The following ACIN1 variants were observed in gnomAD, a reference collection of about 807,000 sequenced individuals.
The protein encoded by ACIN1 is apoptotic chromatin condensation inducer in the nucleus.
ACIN1 carries 16 observed loss-of-function variants against 146.6 expected under a neutral mutation model. The ratio of observed to expected loss-of-function variants is 0.11; its 90% confidence interval spans 0.07 to 0.17. ACIN1 has a LOEUF of 0.17. Among genes scored for constraint, ACIN1 ranks in the 10% least tolerant of loss-of-function variants. The pLI, the probability that ACIN1 is intolerant of heterozygous loss-of-function variation, is 1.00. For missense variants in ACIN1, 1,357 were observed against 1,609.3 expected (o/e 0.84, Z 2.68); for synonymous variants, 569 against 582.7 (o/e 0.98, Z 0.34).
intron 8 of ACIN1, 73 bp from the exon 9 acceptor site, chr14:23,069,690 G>A (rs751648136): frequency 6.8e-5 from 99 of 1,446,324 alleles, no homozygotes; most frequent in Admixed American, 9.6e-5. Flanking sequence ...CAAGATGTTA[G>A]TTACTGGGTC....
chr14:23,080,816 G>A lies in ACIN1; in HGVS notation c.526-7C>T, dbSNP rs2140164731. On this transcript the variant is annotated splice_polypyrimidine_tract_variant and splice_region_variant and intron_variant, in intron 5 of 18. Coordinates refer to ENST00000605057, the MANE Select transcript of ACIN1 (RefSeq NM_001386863.1). ...ACAGTTTAGCTGCTCTTGCCTGAAAGAACAGATACACAATGGCTCCAAATG... is the reference window on the plus strand; with the variant it reads ...ACAGTTTAGCTGCTCTTGCCTGAAAAAACAGATACACAATGGCTCCAAATG... 1 of 1,587,296 alleles carries A rather than the reference G, an allele frequency of 6.3e-7. No individual in the cohort carries two copies. The highest frequency in any genetic ancestry group is 8.6e-7 in the Non-Finnish European group (1 of 1,165,964).
chr14:23,061,053 T>C (rs766420302), intron 18 of ACIN1, 31 bp downstream of exon 18: 17 of 1,601,700 alleles, frequency 1.1e-5, no homozygotes, highest in Middle Eastern at 1.9e-4. Flanking sequence ...TCAGTGCCAC[T>C]AGGGAGCAGG....
Position 23,062,872 on chromosome 14 carries a change from C to G in ACIN1, c.2883+57G>C, listed in dbSNP as rs1354661148. The G allele has an allele frequency of 1.9e-6, 3 of 1,545,076 alleles. No homozygotes were observed. The African/African-American group carries it at 4.1e-5, about 21-fold the overall frequency. On this transcript the variant is annotated intron_variant, in intron 14 of 18. Coordinates refer to ENST00000605057, the MANE Select transcript of ACIN1 (RefSeq NM_001386863.1). The stretch of plus-strand genomic sequence containing the variant: ...ATGAGTGGAACCTAGGAGGCATAAG[C>G]CTAAAGCTCAAACTTAACCACTAAG...
At chr14:23,069,652 G>GGGTGGGGGGGGGGGGGGGGGGC in intron 8 of ACIN1, 35 bp from the exon 9 acceptor site, 3 of 577,964 alleles carry the variant, frequency 5.2e-6, no homozygotes, top group Non-Finnish European at 1.0e-5. Flanking sequence ...GGGGGGGCGG[G>GGGTGGGGGGGGGGGGGGGGGGC]CAGAAAAGAA....
chr14:23,069,462 G>A lies in ACIN1; in HGVS notation c.2265+14C>T. ...TCCTGCCCACCCGCCCCAATAGGTGGCTTGGATGTTTACCTCTTTCTTCTC... is the reference window on the plus strand; with the variant it reads ...TCCTGCCCACCCGCCCCAATAGGTGACTTGGATGTTTACCTCTTTCTTCTC... On this transcript the variant is annotated intron_variant, in intron 9 of 18. Transcript: ENST00000605057. 1 of 1,612,250 alleles carries A rather than the reference G, an allele frequency of 6.2e-7. No homozygotes were observed. Among genetic ancestry groups the A allele is most frequent in the Non-Finnish European group, 8.5e-7 (1 of 1,179,024 alleles).
At chr14:23,095,449 AGAGATGAGGCGCT>A (rs2048353933), upstream of ACIN1, 54 of 1,023,362 alleles carry the variant, frequency 5.3e-5, 1 homozygote, top group South Asian at 8.8e-4. Flanking sequence ...TTCCGGACCT[AGAGATGAGGCGCT>A]GGGGCGCTTG....
intron 13 of ACIN1, 124 bp downstream of exon 13, chr14:23,063,312 A>C (rs2047346407): frequency 1.5e-6 from 2 of 1,319,822 alleles, no homozygotes; most frequent in African/African-American, 3.0e-5. Flanking sequence ...ATGTAGGAGA[A>C]AGATATGATA....
chr14:23,067,955 A>T lies in ACIN1; in HGVS notation c.2265+1521T>A. 1 of 985,834 alleles carries T rather than the reference A, an allele frequency of 1.0e-6. No individual in the cohort carries two copies. Among genetic ancestry groups the T allele is most frequent in the Non-Finnish European group, 1.2e-6 (1 of 829,932 alleles). The allele number at this position is 985,834 out of a possible 1,614,324, so 61.1% of individuals were successfully genotyped here. A position where few individuals can be genotyped will look rare whatever the true frequency, so the allele number is the denominator to read the frequency against. On this transcript the variant is annotated intron_variant, in intron 9 of 18. Transcript: ENST00000605057. The surrounding 1 kb of genome is among the most constrained non-coding windows in gnomAD (Gnocchi z 4.6). ...GGAGAGTTGTGGCTGGCATCTCCTC[A>T]GGGACTCCAGCTGAGACAGTGGTTC...
rs148111978 is a variant in ACIN1, at chr14:23,079,398, C to A, written c.1788+149G>T. Reference sequence around the variant, plus strand: ...GAATCAGTTAATTGAAAATACGATTCTGAAATGAGGAGAAAGTAATCAGTG... The same window carrying A: ...GAATCAGTTAATTGAAAATACGATTATGAAATGAGGAGAAAGTAATCAGTG... On this transcript the variant is annotated intron_variant, in intron 6 of 18. Coordinates refer to ENST00000605057, the MANE Select transcript of ACIN1 (RefSeq NM_001386863.1). 108 of 1,369,948 alleles carry A rather than the reference C, an allele frequency of 7.9e-5. No individual in the cohort carries two copies. In the Admixed American group the frequency reaches 1.1e-3, roughly 14 times the overall value. The allele number at this position is 1,369,948 out of a possible 1,614,324, so 84.9% of individuals were successfully genotyped here.
intron 4 of ACIN1, among the ~76,000 whole-genome samples, chr14:23,087,515 T>C (rs1251286951): frequency 1.3e-5 from 2 of 151,644 alleles, no homozygotes; most frequent in African/African-American, 4.9e-5. Flanking sequence ...GTCTTACTGA[T>C]GACATAAAGC....
intron 10 of ACIN1, 114 bp from the exon 11 acceptor site, chr14:23,064,602 G>T (rs1227478835): frequency 5.6e-6 from 8 of 1,436,672 alleles, no homozygotes; most frequent in East Asian, 4.6e-5. Flanking sequence ...TTAACTTAAA[G>T]AAATCATATT....
At chr14:23,065,727 C>T (rs576140961) in intron 10 of ACIN1, among the ~76,000 whole-genome samples, 2 of 152,330 alleles carry the variant, frequency 1.3e-5, no homozygotes, top group East Asian at 3.9e-4. Flanking sequence ...GACATGGTCT[C>T]AGACACCTCA....
At chr14:23,076,696 G>A (rs946297292) in intron 8 of ACIN1, 1 of 152,172 alleles carries the variant, frequency 6.6e-6, no homozygotes, top group Non-Finnish European at 1.5e-5. Context: ...GTAGCAGGCT[G>A]TCAATACCCA....
At chr14:23,095,568 G>T (rs1017862707), upstream of ACIN1, 1 of 445,412 alleles carries the variant, frequency 2.2e-6, no homozygotes, top group Non-Finnish European at 4.1e-6. Context: ...GCAGTAGTTG[G>T]AGTCTAAGGA....
At position 23,059,315 on chromosome 14, in the gene ACIN1, TCTCCCGACTGTG is replaced by T. The variant is rs2047192284; in HGVS notation, c.3673_3684del (p.His1225_Glu1228del). On this transcript the variant is annotated inframe_deletion, in exon 19 of 19. Coordinates refer to ENST00000605057, the MANE Select transcript of ACIN1 (RefSeq NM_001386863.1). ...CTTTCTCTCTCTCTCTCCCTGTCCC[TCTCCCGACTGTG>T]CTCCCGACGTTTCTCTCGCTCCAGC... is the stretch of plus-strand genomic sequence containing the variant. The T allele has an allele frequency of 6.2e-7, 1 of 1,601,172 alleles. No individual in the cohort carries two copies. Among genetic ancestry groups the T allele is most frequent in the South Asian group, 1.1e-5 (1 of 90,826 alleles).
chr14:23,064,238 T>C lies in ACIN1; in HGVS notation c.2462A>G (p.Lys821Arg), dbSNP rs756553368. The part of the protein sequence containing the change: ...ESLKSLIPDI[K>R]PLAGQEAVVD... ...AACAGCCTCCTGCCCCGCCAGGGGT[T>C]TGATGTCGGGGATGAGGCTCTGGGA... The change falls in exon 12 of 19, where the codon AAA becomes AGA. Residue 821 changes from lysine (K) to arginine (R), a missense_variant. By Grantham distance (26) the Lys-to-Arg change is conservative. Around this residue, in one of 4 missense-constraint regions of ACIN1, gnomAD observed 509 missense variants for 719.6 expected, o/e 0.71. Transcript: ENST00000605057. 1.9e-6 allele frequency: 3 copies of C among 1,613,984 alleles called. No individual in the cohort carries two copies. Among genetic ancestry groups the C allele is most frequent in the Non-Finnish European group, 2.5e-6 (3 of 1,180,038 alleles).
chr14:23,095,529 T>G (rs17126528), upstream of ACIN1: 5,137 of 526,192 alleles, frequency 9.8e-3, 189 homozygotes, highest in African/African-American at 0.078. Flanking sequence ...TGGCCCAGCT[T>G]AGGGTTTTCA....
intron 8 of ACIN1, chr14:23,071,712 T>C: frequency 4.3e-6 from 3 of 700,602 alleles, no homozygotes. Context: ...CCTGGCCTTC[T>C]TTTCTCAAGT....
chr14:23,068,223 T>A lies in ACIN1; in HGVS notation c.2265+1253A>T, dbSNP rs1218656765. Reference sequence around the variant, plus strand: ...GGGTCCCACTCAGTGTTTTACAGCATGGCACTGCGATCACAAACTTTAGGA... The same window carrying A: ...GGGTCCCACTCAGTGTTTTACAGCAAGGCACTGCGATCACAAACTTTAGGA... On this transcript the variant is annotated intron_variant, in intron 9 of 18. Coordinates refer to ENST00000605057, the MANE Select transcript of ACIN1 (RefSeq NM_001386863.1). The surrounding 1 kb of genome is among the most constrained non-coding windows in gnomAD (Gnocchi z 4.3). 1.0e-6 allele frequency: 1 copy of A among 985,936 alleles called. No individual in the cohort carries two copies. The highest frequency in any genetic ancestry group is 1.2e-6 in the Non-Finnish European group (1 of 829,974). 61.1% of individuals were successfully genotyped at this position (985,936 alleles called of 1,614,324 possible).
Sources: gnomAD v4.1 joint callset for allele counts (sites outside exome capture counted in the v4.1 genomes callset) on GRCh38, gnomAD v4.1.1 for gene constraint, gnomAD v4.1.1 regional missense constraint, Gnocchi (gnomAD v3.1) non-coding constraint, MANE v1.5 for transcripts, NCBI Gene and HGNC (gene_info 2026-07-23, HGNC 2026-07-21) for gene names.